Variants in HELB observed in about 807,000 individuals in gnomAD.
HELB encodes the protein DNA helicase B.
In HELB, 96 loss-of-function variants were observed where a neutral mutation model predicts 101.7. That is an observed-to-expected ratio of 0.94 (90% CI 0.80 to 1.12). HELB has a LOEUF of 1.12. Ranked by LOEUF, HELB falls within the 50% of genes most tolerant of loss-of-function variation. HELB has a pLI of 0.00. For missense variants in HELB, 1,210 were observed against 1,291.9 expected (o/e 0.94, Z 0.97); for synonymous variants, 437 against 459.7 (o/e 0.95, Z 0.63).
intron 6 of HELB, among the ~76,000 whole-genome samples, chr12:66,316,173 G>A (rs1274188683): frequency 6.6e-6 from 1 of 152,112 alleles, no homozygotes; most frequent in Non-Finnish European, 1.5e-5. Context: ...TGTAGCCTAG[G>A]AGCAATAGGC....
rs1442978929 is a variant in HELB at position 66,324,203 on chromosome 12, A to G, written c.2518A>G (p.Ile840Val). 1.5e-5 allele frequency: 24 copies of G among 1,598,362 alleles called. No individual in the cohort carries two copies. The highest frequency in any genetic ancestry group is 1.9e-5 in the Non-Finnish European group (22 of 1,167,942). ...ACTGTGCAATGGAGAGATATTTTTC[A>G]TAACAAATGTAAGTGAAAACAGAAG... is the stretch of plus-strand genomic sequence containing the variant. ...VRLCNGEIFF[I>V]TNDVTDVTFG... Residue 840 changes from isoleucine (I) to valine (V), a missense_variant, in exon 10 of 13, where the codon ATA becomes GTA. By Grantham distance (29) the Ile-to-Val change is conservative. Coordinates refer to ENST00000247815, the MANE Select transcript of HELB (RefSeq NM_001370285.1).
Position 66,307,975 on chromosome 12 carries a change from C to T in HELB, c.777+1461C>T, listed in dbSNP as rs573742643. ...TGAACTCCTGTCCTCAAGTGATCTG[C>T]CCACCTTGGCCTCCCAGAGTGCTGG... is the stretch of plus-strand genomic sequence containing the variant. On this transcript the variant is annotated intron_variant, in intron 3 of 12. Transcript: ENST00000247815. Among the ~76,000 whole-genome samples, 4 of 150,916 alleles carry T rather than the reference C, an allele frequency of 2.7e-5. No individual in the cohort carries two copies. In the South Asian group the frequency reaches 8.4e-4, roughly 32 times the overall value.
intron 11 of HELB, 144 bp downstream of exon 11, chr12:66,325,270 G>T: frequency 1.7e-6 from 1 of 577,536 alleles, no homozygotes. Context: ...TAATAGAGAA[G>T]ACGCCACCCT....
chr12:66,322,155 G>T, intron 8 of HELB, 126 bp downstream of exon 8: 1 of 544,500 alleles, frequency 1.8e-6, no homozygotes, highest in Non-Finnish European at 3.3e-6. Flanking sequence ...TCTTATTTTG[G>T]GGTATGTCTT....
At chr12:66,331,117 A>G (rs778496107) in intron 11 of HELB, 37 bp from the exon 12 acceptor site, 5 of 1,553,340 alleles carry the variant, frequency 3.2e-6, no homozygotes, top group South Asian at 1.2e-5. Context: ...AACCTATTTT[A>G]TAGCATTTAG....
chr12:66,304,691 CAG>C (rs1228374697), intron 1 of HELB, 38 bp from the exon 2 acceptor site: 2 of 1,535,488 alleles, frequency 1.3e-6, no homozygotes, highest in Non-Finnish European at 1.8e-6. Flanking sequence ...AAATAATCTC[CAG>C]AGTTAACTTT....
At chr12:66,321,639 T>A (rs1476963259) in intron 7 of HELB, 2 of 279,158 alleles carry the variant, frequency 7.2e-6, no homozygotes, top group Non-Finnish European at 1.4e-5. Context: ...TCTTGTTTAT[T>A]TCTTAAATTC....
chr12:66,304,706 TG>T lies in HELB; in HGVS notation c.188-22del, dbSNP rs1172323296. ...AAATAATCTCCAGAGTTAACTTTTG[TG>T]GGTTTTTGTTTGTTTTTTTTTAGTT... On this transcript the variant is annotated intron_variant, in intron 1 of 12. Coordinates refer to ENST00000247815, the MANE Select transcript of HELB (RefSeq NM_001370285.1). 3 of 1,563,522 alleles carry T rather than the reference TG, an allele frequency of 1.9e-6. No homozygotes were observed. In the South Asian group the frequency reaches 3.6e-5, roughly 19 times the overall value.
intron 11 of HELB, among the ~76,000 whole-genome samples, chr12:66,326,758 G>A (rs1168372532): frequency 6.7e-6 from 1 of 150,042 alleles, no homozygotes; most frequent in Admixed American, 6.6e-5. Flanking sequence ...AGGGTCTGGT[G>A]TGGTGGCTCA....
At chr12:66,324,418 C>G in intron 10 of HELB, 1 of 453,336 alleles carries the variant, frequency 2.2e-6, no homozygotes. Context: ...CAGGATAATA[C>G]TGGCCTCAGA....
chr12:66,318,561 G>C, intron 6 of HELB, 77 bp from the exon 7 acceptor site: 2 of 1,278,464 alleles, frequency 1.6e-6, no homozygotes, highest in South Asian at 3.2e-5. Context: ...TTATTATAAG[G>C]ACATTAGCTC....
intron 2 of HELB, among the ~76,000 whole-genome samples, chr12:66,305,869 T>C (rs1233764615): frequency 1.3e-5 from 2 of 152,242 alleles, no homozygotes; most frequent in Non-Finnish European, 2.9e-5. Flanking sequence ...ATTTTTAATA[T>C]GATTTGTTAT....
intron 4 of HELB, 72 bp downstream of exon 4, chr12:66,310,680 C>T (rs990810408): frequency 3.5e-6 from 5 of 1,424,696 alleles, no homozygotes; most frequent in Admixed American, 4.3e-5. Flanking sequence ...GCCTGTAATC[C>T]CAGAACTTTT....
At position 66,336,813 on chromosome 12, in the gene HELB, G is replaced by A. The variant is rs139938472; in HGVS notation, c.3163-1188G>A. On this transcript the variant is annotated intron_variant, in intron 12 of 12. Coordinates refer to ENST00000247815, the MANE Select transcript of HELB (RefSeq NM_001370285.1). ...GGACACAGGGTCTTCTGAAGAGGTC[G>A]TAGATTCTTCTGATTGCAACTGAGA... Among the ~76,000 whole-genome samples the A allele has an allele frequency of 1.2e-3, 176 of 152,220 alleles. 1 individual carries two copies. Among genetic ancestry groups the A allele is most frequent in the African/African-American group, 4.0e-3 (168 of 41,532 alleles).
At chr12:66,341,523 A>T (rs2053918266), downstream of HELB, 1 of 152,162 alleles carries the variant, frequency 6.6e-6, no homozygotes, top group African/African-American at 2.4e-5. Flanking sequence ...ATTAACCATC[A>T]CAAAATGTAA....
chr12:66,318,922 T>C, intron 7 of HELB, 130 bp downstream of exon 7: 1 of 682,720 alleles, frequency 1.5e-6, no homozygotes, highest in South Asian at 2.1e-5. Context: ...AAAGAGACAT[T>C]GAAAATAAAT....
intron 11 of HELB, 48 bp downstream of exon 11, chr12:66,325,174 G>C (rs751962857): frequency 7.4e-7 from 1 of 1,353,734 alleles, no homozygotes; most frequent in South Asian, 1.3e-5. Flanking sequence ...ACCAACCTTA[G>C]AGCGCCTTGC....
chr12:66,329,880 A>G (rs1375111761), intron 11 of HELB, among the ~76,000 whole-genome samples: 4 of 152,208 alleles, frequency 2.6e-5, no homozygotes, highest in East Asian at 1.9e-4. Flanking sequence ...GTGGTGCCAT[A>G]TATCTGTGGA....
Position 66,310,510 on chromosome 12 carries a change from G to T in HELB, c.1582G>T (p.Ala528Ser), listed in dbSNP as rs2053530935. 6.2e-7 allele frequency: 1 copy of T among 1,614,220 alleles called. No homozygotes were observed. The highest frequency in any genetic ancestry group is 8.5e-7 in the Non-Finnish European group (1 of 1,180,038). The change falls in exon 4 of 13, where the codon GCG becomes TCG. Residue 528 changes from alanine to serine, a missense_variant. This residue lies in a region of HELB where 740 missense variants were observed against 728.8 expected (regional missense o/e 1.02). Transcript: ENST00000247815. ...ITFTEQSQLEADKAIEVLLTA... is the reference protein window; with the variant it reads ...ITFTEQSQLESDKAIEVLLTA... ...CTTTACTGAGCAAAGTCAACTAGAG[G>T]CGGACAAGGCTATAGAAGTTTTGCT... is the stretch of plus-strand genomic sequence containing the variant.
Sources: gnomAD v4.1 joint callset for allele counts (sites outside exome capture counted in the v4.1 genomes callset) on GRCh38, gnomAD v4.1.1 for gene constraint, gnomAD v4.1.1 regional missense constraint, MANE v1.5 for transcripts, NCBI Gene and HGNC (gene_info 2026-07-23, HGNC 2026-07-21) for gene names.